SAMD8: variants seen among roughly 807,000 people sequenced by gnomAD.
The protein encoded by SAMD8 is sphingomyelin synthase-related protein 1.
A neutral mutation model predicts 42.0 loss-of-function variants in SAMD8; 20 were observed. That is an observed-to-expected ratio of 0.48 (90% CI 0.34 to 0.69). The LOEUF (loss-of-function observed/expected upper bound fraction) is 0.69. Ranked by LOEUF, SAMD8 falls within the 30% of genes least tolerant of loss-of-function variation. The pLI, the probability that SAMD8 is intolerant of heterozygous loss-of-function variation, is 0.01. For missense variants in SAMD8, 328 were observed against 511.6 expected (o/e 0.64, Z 3.46); for synonymous variants, 162 against 173.0 (o/e 0.94, Z 0.50).
At position 75,111,736 on chromosome 10, in the gene SAMD8, G is replaced by C. The variant is rs1389906322; in HGVS notation, c.-16+14G>C. ...CGGACCGCGGAGGTGAGCGGGAGCT[G>C]AGGCTGAGGAGAGGGGAGCTTGGGG... On this transcript the variant is annotated intron_variant, in intron 1 of 5. Transcript: ENST00000542569. 8.1e-7 allele frequency: 1 copy of C among 1,233,756 alleles called. No homozygotes were observed. Among genetic ancestry groups the C allele is most frequent in the East Asian group, 3.2e-5 (1 of 31,712 alleles). The allele number at this position is 1,233,756 out of a possible 1,614,324, so 76.4% of individuals were successfully genotyped here.
intron 1 of SAMD8, among the ~76,000 whole-genome samples, chr10:75,122,177 T>A (rs1849019534): frequency 6.6e-6 from 1 of 152,200 alleles, no homozygotes; most frequent in Admixed American, 6.5e-5. Context: ...TAGAAATTTT[T>A]AATGTAGACA....
intron 1 of SAMD8, among the ~76,000 whole-genome samples, chr10:75,122,645 CTG>C (rs1849030961): frequency 6.6e-6 from 1 of 151,362 alleles, no homozygotes. Flanking sequence ...TGGCTGGGCA[CTG>C]TGGCTCTCTC....
At position 75,177,386 on chromosome 10, in the gene SAMD8, T is replaced by G. The variant is rs1841010210; in HGVS notation, c.*694T>G. ...TGCAACAAAAGATGCAGTGCCAGTGTGACCCTCAGTGAGTATTCATGAGGG... is the reference window on the plus strand; with the variant it reads ...TGCAACAAAAGATGCAGTGCCAGTGGGACCCTCAGTGAGTATTCATGAGGG... On this transcript the variant is annotated 3_prime_UTR_variant, in exon 6 of 6. Transcript: ENST00000542569. 6.6e-6 allele frequency: 1 copy of G among 152,230 alleles called. No individual in the cohort carries two copies. Among genetic ancestry groups the G allele is most frequent in the African/African-American group, 2.4e-5 (1 of 41,462 alleles). 9.4% of individuals were successfully genotyped at this position (152,230 alleles called of 1,614,324 possible). A position where few individuals can be genotyped will look rare whatever the true frequency, so the allele number is the denominator to read the frequency against.
At chr10:75,129,163 C>CT (rs1339342560) in intron 1 of SAMD8, among the ~76,000 whole-genome samples, 1 of 146,382 alleles carries the variant, frequency 6.8e-6, no homozygotes, top group East Asian at 2.0e-4. Flanking sequence ...AAGACTAGGT[C>CT]TTGTTCTGTT....
At chr10:75,138,958 C>CT (rs201911661) in intron 1 of SAMD8, among the ~76,000 whole-genome samples, 1,855 of 133,240 alleles carry the variant, frequency 0.014, 26 homozygotes, top group African/African-American at 0.031. Context: ...GTGGTTTTTT[C>CT]TTTTTTTTTT....
intron 1 of SAMD8, among the ~76,000 whole-genome samples, chr10:75,139,182 T>G (rs1329768291): frequency 6.6e-6 from 1 of 152,004 alleles, no homozygotes; most frequent in African/African-American, 2.4e-5. Context: ...TTGGCCAGGC[T>G]GGTCTCAAAC....
intron 1 of SAMD8, among the ~76,000 whole-genome samples, chr10:75,134,767 G>A (rs1316165714): frequency 2.0e-5 from 3 of 152,030 alleles, no homozygotes; most frequent in Non-Finnish European, 4.4e-5. Flanking sequence ...ACAAAGAAAT[G>A]ATAGATGTGA....
At chr10:75,116,816 A>G (rs774388830) in intron 1 of SAMD8, among the ~76,000 whole-genome samples, 4 of 151,948 alleles carry the variant, frequency 2.6e-5, no homozygotes, top group Non-Finnish European at 4.4e-5. Context: ...TAGCATATTT[A>G]TTTATTTATT....
At chr10:75,108,000 G>T (rs369969589), upstream of SAMD8, 5 of 1,612,258 alleles carry the variant, frequency 3.1e-6, no homozygotes, top group Non-Finnish European at 4.2e-6. Context: ...ACCCCCAGGC[G>T]TGTTGAGGGC....
intron 1 of SAMD8, among the ~76,000 whole-genome samples, chr10:75,101,190 G>C (rs1328448789): frequency 2.4e-4 from 37 of 152,188 alleles, no homozygotes. Context: ...GACCTGGGTA[G>C]AAATCTCAGG....
At position 75,177,514 on chromosome 10, in the gene SAMD8, A is replaced by T. The variant is rs1481540800; in HGVS notation, c.*822A>T. 6.6e-6 allele frequency: 1 copy of T among 152,222 alleles called. No individual in the cohort carries two copies. The highest frequency in any genetic ancestry group is 1.5e-5 in the Non-Finnish European group (1 of 68,036). 9.4% of individuals were successfully genotyped at this position (152,222 alleles called of 1,614,324 possible). A position where few individuals can be genotyped will look rare whatever the true frequency, so the allele number is the denominator to read the frequency against. ...AGTTGTTAGATGACAGTTCAATTTT[A>T]TGCTTTTTTAATGGTGTTATTAAAT... On this transcript the variant is annotated 3_prime_UTR_variant, in exon 6 of 6. Transcript: ENST00000542569.
At chr10:75,123,410 A>T (rs1849052604) in intron 1 of SAMD8, among the ~76,000 whole-genome samples, 1 of 152,182 alleles carries the variant, frequency 6.6e-6, no homozygotes. Flanking sequence ...CTCTGACAGC[A>T]TGTTAAGAGA....
intron 1 of SAMD8, among the ~76,000 whole-genome samples, chr10:75,126,956 G>C (rs1849156008): frequency 6.6e-6 from 1 of 152,122 alleles, no homozygotes; most frequent in African/African-American, 2.4e-5. Context: ...GGGAAGCCGA[G>C]GCGGGTAGAT....
In SAMD8 at chr10:75,179,634, A is replaced by T. The variant is rs1025033928; in HGVS notation, c.*2942A>T. 2.0e-5 allele frequency: 3 copies of T among 152,220 alleles called. No individual in the cohort carries two copies. Among genetic ancestry groups the T allele is most frequent in the African/African-American group, 7.2e-5 (3 of 41,466 alleles). 9.4% of individuals were successfully genotyped at this position (152,220 alleles called of 1,614,324 possible). On this transcript the variant is annotated 3_prime_UTR_variant, in exon 6 of 6. Coordinates refer to ENST00000542569, the MANE Select transcript of SAMD8 (RefSeq NM_001174156.2). ...TAAATTAATCATCTCTTTCTTGGAA[A>T]ACATTGAGACAAATTTATTTTCAGT...
chr10:75,132,115 G>C (rs1192266857), intron 1 of SAMD8, among the ~76,000 whole-genome samples: 1 of 151,870 alleles, frequency 6.6e-6, no homozygotes, highest in Admixed American at 6.6e-5. Flanking sequence ...CACTGTCTAG[G>C]AGAGAGAGAG....
chr10:75,127,025 T>TA (rs1165254337), intron 1 of SAMD8, among the ~76,000 whole-genome samples: 1 of 151,856 alleles, frequency 6.6e-6, no homozygotes, highest in Non-Finnish European at 1.5e-5. Context: ...GTGTCTCTAC[T>TA]AAAAAATACA....
At chr10:75,174,307 A>C (rs1771517141) in intron 4 of SAMD8, among the ~76,000 whole-genome samples, 1 of 151,254 alleles carries the variant, frequency 6.6e-6, no homozygotes, top group African/African-American at 2.4e-5. Context: ...TTTTTTGTAT[A>C]TTTAGTAGAG....
intron 1 of SAMD8, among the ~76,000 whole-genome samples, chr10:75,126,105 T>C (rs1290040611): frequency 6.6e-6 from 1 of 152,172 alleles, no homozygotes; most frequent in African/African-American, 2.4e-5. Flanking sequence ...TTTTTATTTA[T>C]TGATCTATTT....
intron 1 of SAMD8, among the ~76,000 whole-genome samples, chr10:75,102,315 T>C (rs1042629401): frequency 5.1e-4 from 78 of 152,102 alleles, no homozygotes; most frequent in African/African-American, 1.7e-3. Context: ...TGGTGGTGGA[T>C]GCCTGTAGTC....
Sources: gnomAD v4.1 joint callset for allele counts (sites outside exome capture counted in the v4.1 genomes callset) on GRCh38, gnomAD v4.1.1 for gene constraint, MANE v1.5 for transcripts, NCBI Gene and HGNC (gene_info 2026-07-23, HGNC 2026-07-21) for gene names.